UVRAG: variants seen among roughly 807,000 people sequenced by gnomAD.
UVRAG encodes the protein UV radiation resistance-associated gene protein.
UVRAG carries 19 observed loss-of-function variants against 78.0 expected under a neutral mutation model. That is an observed-to-expected ratio of 0.24 (90% CI 0.17 to 0.36). UVRAG has a LOEUF of 0.36. Ranked by LOEUF, UVRAG falls within the 10% of genes least tolerant of loss-of-function variation. UVRAG has a pLI of 1.00. For missense variants in UVRAG, 740 were observed against 853.8 expected, an observed-to-expected ratio of 0.87 and a Z score of 1.66; for synonymous variants, 323 against 324.6, an observed-to-expected ratio of 1.00 and a Z score of 0.05.
chr11:75,927,734 A>G (rs1381254660), intron 6 of UVRAG, among the ~76,000 whole-genome samples: 1 of 152,242 alleles, frequency 6.6e-6, no homozygotes, highest in Non-Finnish European at 1.5e-5. Context: ...ATTTGGAGAA[A>G]GAACATTCCA....
intron 1 of UVRAG, among the ~76,000 whole-genome samples, chr11:75,843,406 A>T (rs1188672436): frequency 4.6e-5 from 7 of 152,232 alleles, no homozygotes; most frequent in Admixed American, 4.6e-4. Flanking sequence ...TAAATCCTTA[A>T]TAAACCTTAC....
At chr11:75,901,269 G>T (rs1947491809) in intron 5 of UVRAG, among the ~76,000 whole-genome samples, 1 of 150,710 alleles carries the variant, frequency 6.6e-6, no homozygotes, top group Admixed American at 6.6e-5. Flanking sequence ...ATGAGCCATT[G>T]TTTTTTTTTC....
chr11:75,882,787 C>T (rs1234390275), intron 4 of UVRAG, among the ~76,000 whole-genome samples: 4 of 152,194 alleles, frequency 2.6e-5, no homozygotes, highest in Non-Finnish European at 4.4e-5. Flanking sequence ...TGAGATCATG[C>T]TTTTAACATA....
chr11:75,824,953 G>A (rs144171649), intron 1 of UVRAG, among the ~76,000 whole-genome samples: 1 of 151,784 alleles, frequency 6.6e-6, no homozygotes, highest in Non-Finnish European at 1.5e-5. Flanking sequence ...GATTACAGGC[G>A]TGAGCCAGCG....
intron 14 of UVRAG, 143 bp from the exon 15 acceptor site, chr11:76,140,568 C>A: frequency 1.2e-6 from 1 of 848,880 alleles, no homozygotes; most frequent in Non-Finnish European, 1.7e-6. Flanking sequence ...CATTGAGACA[C>A]TGCAATAACT....
At chr11:76,005,831 T>G (rs1369288585) in intron 9 of UVRAG, among the ~76,000 whole-genome samples, 1 of 152,250 alleles carries the variant, frequency 6.6e-6, no homozygotes, top group Non-Finnish European at 1.5e-5. Context: ...CTTACTGGTT[T>G]ATTATAAAGG....
intron 14 of UVRAG, among the ~76,000 whole-genome samples, chr11:76,127,519 T>C (rs113234195): frequency 0.064 from 9,611 of 150,446 alleles, 566 homozygotes; most frequent in African/African-American, 0.16. Context: ...GGTGTGGTGG[T>C]ACACGCCTGT....
At position 76,007,526 on chromosome 11, in the gene UVRAG, C is replaced by T. The variant is rs1949969305; in HGVS notation, c.912-8C>T. ...TTTTAATAAATGTATTTTTTCTTTC[C>T]TCATTAGAGAACTCTTCTTGAAGAC... is the stretch of plus-strand genomic sequence containing the variant. On this transcript the variant is annotated splice_region_variant and splice_polypyrimidine_tract_variant and intron_variant, in intron 9 of 14. Coordinates refer to ENST00000356136, the MANE Select transcript of UVRAG (RefSeq NM_003369.4). 1.9e-6 allele frequency: 3 copies of T among 1,601,342 alleles called. No homozygotes were observed. In the East Asian group the frequency reaches 6.7e-5, roughly 36 times the overall value.
At chr11:75,917,147 G>A (rs1039171144) in intron 6 of UVRAG, among the ~76,000 whole-genome samples, 9 of 152,290 alleles carry the variant, frequency 5.9e-5, no homozygotes, top group African/African-American at 1.4e-4. Flanking sequence ...AATTCCTCCC[G>A]TAGTTAGCTT....
chr11:75,897,018 C>T (rs1310263640), intron 5 of UVRAG, among the ~76,000 whole-genome samples: 1 of 152,078 alleles, frequency 6.6e-6, no homozygotes, highest in Non-Finnish European at 1.5e-5. Flanking sequence ...TCTTTAGAGT[C>T]CAGTAGATGG....
intron 13 of UVRAG, among the ~76,000 whole-genome samples, chr11:76,071,324 G>A (rs1251533056): frequency 6.6e-6 from 1 of 152,146 alleles, no homozygotes; most frequent in Non-Finnish European, 1.5e-5. Flanking sequence ...TGAAGGTCAT[G>A]GGAATAGCAA....
chr11:75,982,134 A>T (rs552724812), intron 7 of UVRAG, among the ~76,000 whole-genome samples: 8 of 152,102 alleles, frequency 5.3e-5, no homozygotes, highest in Admixed American at 2.0e-4. Context: ...TTGGGCATTA[A>T]GTTTTAAGTC....
At chr11:75,985,515 T>C (rs1046614129) in intron 8 of UVRAG, among the ~76,000 whole-genome samples, 14 of 152,170 alleles carry the variant, frequency 9.2e-5, no homozygotes, top group Non-Finnish European at 1.5e-4. Context: ...TCGTTCACTC[T>C]TTAATGATAC....
intron 1 of UVRAG, among the ~76,000 whole-genome samples, chr11:75,822,491 G>A (rs1014324979): frequency 1.3e-5 from 2 of 152,048 alleles, no homozygotes; most frequent in African/African-American, 4.8e-5. Flanking sequence ...ACAAGTTAAA[G>A]GCTCAGACCC....
At chr11:75,955,856 C>T (rs757738753) in intron 6 of UVRAG, among the ~76,000 whole-genome samples, 20 of 152,152 alleles carry the variant, frequency 1.3e-4, no homozygotes, top group African/African-American at 4.8e-4. Flanking sequence ...CCAGTGCACT[C>T]CAACCTAGGT....
At chr11:76,138,804 A>G (rs562371141) in intron 14 of UVRAG, among the ~76,000 whole-genome samples, 1 of 152,252 alleles carries the variant, frequency 6.6e-6, no homozygotes, top group Non-Finnish European at 1.5e-5. Flanking sequence ...TTTTCTGCAC[A>G]GAATAGACTG....
intron 6 of UVRAG, among the ~76,000 whole-genome samples, chr11:75,920,008 GTTTTTTTTTT>G (rs140217190): frequency 0.011 from 635 of 55,436 alleles, no homozygotes; most frequent in African/African-American, 0.031. Context: ...AATAATTTTG[GTTTTTTTTTT>G]TTTTTTTTTT....
chr11:76,137,230 G>A, intron 14 of UVRAG: 3 of 413,840 alleles, frequency 7.2e-6, no homozygotes, highest in Non-Finnish European at 1.4e-5. Context: ...AACTAAGAAA[G>A]GGTATAGTGG....
intron 1 of UVRAG, among the ~76,000 whole-genome samples, chr11:75,821,015 T>C (rs75709240): frequency 0.026 from 4,001 of 152,318 alleles, 165 homozygotes; most frequent in African/African-American, 0.087. Flanking sequence ...CTTAATGTTA[T>C]ACAACCATCA....
Sources: gnomAD v4.1 joint callset for allele counts (sites outside exome capture counted in the v4.1 genomes callset) on GRCh38, gnomAD v4.1.1 for gene constraint, MANE v1.5 for transcripts, NCBI Gene and HGNC (gene_info 2026-07-23, HGNC 2026-07-21) for gene names.